The following MAP4K4 variants were observed in gnomAD, a reference collection of about 807,000 sequenced individuals.
MAP4K4 encodes HPK/GCK-like kinase HGK.
MAP4K4 carries 38 observed loss-of-function variants against 189.6 expected under a neutral mutation model. That is an observed-to-expected ratio of 0.20 (90% CI 0.15 to 0.26). The LOEUF (loss-of-function observed/expected upper bound fraction) is 0.26. MAP4K4 is among the 10% of genes least tolerant of loss of function. The pLI, the probability that MAP4K4 is intolerant of heterozygous loss-of-function variation, is 1.00. For missense variants in MAP4K4, 1,054 were observed against 1,726.9 expected, an observed-to-expected ratio of 0.61 and a Z score of 6.91; for synonymous variants, 610 against 624.3, an observed-to-expected ratio of 0.98 and a Z score of 0.34.
intron 3 of MAP4K4, among the ~76,000 whole-genome samples, chr2:101,812,686 G>C (rs958805297): frequency 2.6e-5 from 4 of 152,174 alleles, no homozygotes; most frequent in African/African-American, 9.7e-5. Flanking sequence ...CATCTTTGCT[G>C]TAGATAATTG....
At chr2:101,842,122 T>G (rs867897344) in intron 10 of MAP4K4, among the ~76,000 whole-genome samples, 1 of 152,202 alleles carries the variant, frequency 6.6e-6, no homozygotes, top group African/African-American at 2.4e-5. Flanking sequence ...CTAGTTAATG[T>G]TTCACTTTGT....
At chr2:101,845,497 C>T (rs1003407750) in intron 12 of MAP4K4, among the ~76,000 whole-genome samples, 5 of 152,164 alleles carry the variant, frequency 3.3e-5, no homozygotes, top group African/African-American at 1.2e-4. Flanking sequence ...CTAGATGGTA[C>T]AGCCTACTGC....
chr2:101,883,783 CTTG>C (rs1271701742), intron 28 of MAP4K4, among the ~76,000 whole-genome samples: 2 of 152,064 alleles, frequency 1.3e-5, no homozygotes, highest in East Asian at 3.9e-4. Flanking sequence ...TTGGCATTGT[CTTG>C]TTGGTGTAGT....
chr2:101,803,269 A>ATG (rs780552195), intron 3 of MAP4K4, among the ~76,000 whole-genome samples: 4 of 83,390 alleles, frequency 4.8e-5, no homozygotes, highest in East Asian at 3.5e-4. Context: ...GTGTGTATGT[A>ATG]TGTGTGTGTG....
chr2:101,734,663 G>A (rs1368854315), intron 2 of MAP4K4, among the ~76,000 whole-genome samples: 1 of 152,144 alleles, frequency 6.6e-6, no homozygotes, highest in Non-Finnish European at 1.5e-5. Flanking sequence ...CCTGTGCACC[G>A]CTTGGTGGCC....
At chr2:101,759,131 T>C (rs1222642413) in intron 2 of MAP4K4, among the ~76,000 whole-genome samples, 1 of 76,088 alleles carries the variant, frequency 1.3e-5, no homozygotes, top group Non-Finnish European at 2.4e-5. Context: ...AGACTCCATC[T>C]CAAAAAAAAA....
At chr2:101,886,938 T>C (rs2098494839) in intron 29 of MAP4K4, 150 bp from the exon 30 acceptor site, 3 of 497,890 alleles carry the variant, frequency 6.0e-6, no homozygotes, top group Admixed American at 8.0e-5. Flanking sequence ...GGCAGGAGAA[T>C]GGTGCGAACC....
chr2:101,819,921 AC>A (rs1245583969), intron 3 of MAP4K4, among the ~76,000 whole-genome samples: 1 of 152,236 alleles, frequency 6.6e-6, no homozygotes, highest in Non-Finnish European at 1.5e-5. Context: ...TCAGTGAAAT[AC>A]ATGGTGCCAT....
chr2:101,863,727 C>A, intron 16 of MAP4K4, 94 bp from the exon 17 acceptor site: 1 of 756,632 alleles, frequency 1.3e-6, no homozygotes, highest in Non-Finnish European at 2.1e-6. Flanking sequence ...GTGTATTCCG[C>A]CTCTGCCAGT....
At chr2:101,806,859 G>A (rs796485603) in intron 3 of MAP4K4, among the ~76,000 whole-genome samples, 3 of 152,226 alleles carry the variant, frequency 2.0e-5, no homozygotes, top group Non-Finnish European at 4.4e-5. Flanking sequence ...AGATGTTTTT[G>A]TTCAAAAGGG....
At chr2:101,840,537 G>A (rs1395766856) in intron 10 of MAP4K4, among the ~76,000 whole-genome samples, 1 of 152,142 alleles carries the variant, frequency 6.6e-6, no homozygotes, top group Non-Finnish European at 1.5e-5. Flanking sequence ...CAGTAACTTT[G>A]TTTTATGTCT....
intron 12 of MAP4K4, among the ~76,000 whole-genome samples, chr2:101,846,147 G>A (rs1176713453): frequency 2.6e-5 from 4 of 152,150 alleles, no homozygotes; most frequent in South Asian, 2.1e-4. Flanking sequence ...GGACAACTTC[G>A]CTGCTTTTAT....
At chr2:101,831,079 A>C (rs2096582654) in intron 6 of MAP4K4, among the ~76,000 whole-genome samples, 1 of 152,152 alleles carries the variant, frequency 6.6e-6, no homozygotes, top group South Asian at 2.1e-4. Context: ...GATGGGAGGC[A>C]TTCTGTTAGA....
At chr2:101,726,036 C>G (rs1343784896) in intron 2 of MAP4K4, among the ~76,000 whole-genome samples, 1 of 152,198 alleles carries the variant, frequency 6.6e-6, no homozygotes, top group Non-Finnish European at 1.5e-5. Context: ...TTTGGAGTGT[C>G]TTTTAGCTTC....
At chr2:101,877,601 G>A (rs187326053) in intron 27 of MAP4K4, among the ~76,000 whole-genome samples, 102 of 151,374 alleles carry the variant, frequency 6.7e-4, no homozygotes, top group Admixed American at 4.0e-3. Context: ...TCAGCCTCCC[G>A]AGTAGCTGGG....
intron 2 of MAP4K4, among the ~76,000 whole-genome samples, chr2:101,733,567 A>G (rs532331428): frequency 1.3e-5 from 2 of 152,280 alleles, no homozygotes; most frequent in Admixed American, 6.5e-5. Flanking sequence ...GAGGCAGGGG[A>G]AGTGTAGCTG....
chr2:101,845,211 C>T (rs985834986), intron 12 of MAP4K4, among the ~76,000 whole-genome samples: 10 of 151,392 alleles, frequency 6.6e-5, no homozygotes, highest in South Asian at 2.1e-4. Flanking sequence ...CGAACACACA[C>T]GCACACACGG....
chr2:101,713,382 G>A (rs995435133), intron 2 of MAP4K4, among the ~76,000 whole-genome samples: 1 of 151,904 alleles, frequency 6.6e-6, no homozygotes, highest in East Asian at 1.9e-4. Context: ...ATCTTTTGAG[G>A]TCAGGAGTTC....
At position 101,829,614 on chromosome 2, in the gene MAP4K4, C is replaced by T. The variant is rs756838441; in HGVS notation, c.508+20C>T. ...AACTTGGTATGTAATGGATGTGCGGCGTGATCTCATAATTGCACCTGGCAC... is the reference window on the plus strand; with the variant it reads ...AACTTGGTATGTAATGGATGTGCGGTGTGATCTCATAATTGCACCTGGCAC... On this transcript the variant is annotated intron_variant, in intron 6 of 32. Transcript: ENST00000324219. The T allele has an allele frequency of 2.5e-5, 39 of 1,565,902 alleles. No individual in the cohort carries two copies. Among genetic ancestry groups the T allele is most frequent in the Admixed American group, 7.0e-5 (4 of 57,462 alleles).
Sources: gnomAD v4.1 joint callset for allele counts (sites outside exome capture counted in the v4.1 genomes callset) on GRCh38, gnomAD v4.1.1 for gene constraint, MANE v1.5 for transcripts, NCBI Gene and HGNC (gene_info 2026-07-23, HGNC 2026-07-21) for gene names.